The following PDE12 variants were observed in gnomAD, a reference collection of about 807,000 sequenced individuals.
The protein encoded by PDE12 is phosphodiesterase 12, also known as 2',5'-phosphodiesterase 12.
PDE12 carries 26 observed loss-of-function variants against 45.4 expected under a neutral mutation model. That is an observed-to-expected ratio of 0.57 (90% CI 0.42 to 0.79). PDE12 has a LOEUF of 0.79. Among genes scored for constraint, PDE12 ranks in the 30% least tolerant of loss-of-function variants. The pLI is 0.00. For missense variants in PDE12, 668 were observed against 790.0 expected (o/e 0.85, Z 1.85); for synonymous variants, 283 against 323.9 (o/e 0.87, Z 1.36).
chr3:57,596,875 C>A, the PDE12 span: 1 of 588,524 alleles, frequency 1.7e-6, no homozygotes, highest in Middle Eastern at 4.1e-4. Context: ...GTCCCTGTCT[C>A]GTCTGGCGAC....
At chr3:57,621,054 C>T in the PDE12 span, among the ~76,000 whole-genome samples, 6 of 152,116 alleles carry the variant, frequency 3.9e-5, no homozygotes, top group African/African-American at 9.7e-5. Context: ...AGGGCTAACA[C>T]CACTCAGTTT....
At chr3:57,584,875 G>A in the PDE12 span, among the ~76,000 whole-genome samples, 1 of 151,568 alleles carries the variant, frequency 6.6e-6, no homozygotes, top group Non-Finnish European at 1.5e-5. Flanking sequence ...AGGGGCAGGG[G>A]AGCGGGGGGA....
the PDE12 span, among the ~76,000 whole-genome samples, chr3:57,591,275 A>G: frequency 6.6e-6 from 1 of 152,188 alleles, no homozygotes; most frequent in Non-Finnish European, 1.5e-5. Context: ...TTGAAGAGCT[A>G]GAAAGTGAAA....
the PDE12 span, among the ~76,000 whole-genome samples, chr3:57,580,071 C>G: frequency 6.6e-6 from 1 of 152,118 alleles, no homozygotes; most frequent in African/African-American, 2.4e-5. Context: ...TGCCACTGCA[C>G]TCTAGCCTGG....
At chr3:57,570,644 G>A (rs2153408115), downstream of PDE12, among the ~76,000 whole-genome samples, 1 of 152,140 alleles carries the variant, frequency 6.6e-6, no homozygotes, top group East Asian at 1.9e-4. Flanking sequence ...TGAGAATATA[G>A]ACAGAAACTA....
At chr3:57,620,087 T>C in the PDE12 span, among the ~76,000 whole-genome samples, 6 of 151,780 alleles carry the variant, frequency 4.0e-5, no homozygotes. Context: ...CTGGGCGCAG[T>C]GGCGGGCGCC....
At chr3:57,630,056 T>A in the PDE12 span, among the ~76,000 whole-genome samples, 1 of 152,168 alleles carries the variant, frequency 6.6e-6, no homozygotes, top group Non-Finnish European at 1.5e-5. Context: ...GGTTACTGAA[T>A]ACAGAGCTGA....
In PDE12 at chr3:57,556,693, G is replaced by A; in HGVS notation, c.314G>A (p.Gly105Asp). 1 of 1,595,674 alleles carries A rather than the reference G, an allele frequency of 6.3e-7. No homozygotes were observed. Among genetic ancestry groups the A allele is most frequent in the Non-Finnish European group, 8.6e-7 (1 of 1,168,016 alleles). The change falls in exon 1 of 3, where the codon GGT (glycine) becomes GAT (aspartate). Residue 105 changes from glycine to aspartate, a missense_variant. Gly to Asp is a moderately conservative substitution (Grantham distance 94, BLOSUM62 -1). This residue lies in a region of PDE12 where 580 missense variants were observed against 662.9 expected (regional missense o/e 0.87). Coordinates refer to ENST00000311180, the MANE Select transcript of PDE12 (RefSeq NM_177966.7). The surrounding 1 kb of genome is among the most constrained non-coding windows in gnomAD (Gnocchi z 5.0). ...AAGAGCCGGCCGAATGCTAGCGGCGGTGCGGCCTGTTCAGGGCCGGGGCCT... is the reference window on the plus strand; with the variant it reads ...AAGAGCCGGCCGAATGCTAGCGGCGATGCGGCCTGTTCAGGGCCGGGGCCT... Reference protein sequence around the residue: ...SRKSRPNASGGAACSGPGPEP... With the variant: ...SRKSRPNASGDAACSGPGPEP...
chr3:57,654,811 T>C, the PDE12 span: 3 of 975,886 alleles, frequency 3.1e-6, no homozygotes, highest in Non-Finnish European at 3.7e-6. Flanking sequence ...TACTTTGCTT[T>C]CAAGCTCAGT....
At chr3:57,641,051 T>C in the PDE12 span, among the ~76,000 whole-genome samples, 3 of 151,266 alleles carry the variant, frequency 2.0e-5, no homozygotes, top group Admixed American at 2.0e-4. Context: ...TTGTGATAAG[T>C]TGGGAATAAT....
chr3:57,583,650 C>T, the PDE12 span, among the ~76,000 whole-genome samples: 2 of 152,074 alleles, frequency 1.3e-5, no homozygotes, highest in South Asian at 4.1e-4. Context: ...CTAATTCATT[C>T]TTGTGAACTA....
the PDE12 span, among the ~76,000 whole-genome samples, chr3:57,624,652 T>C: frequency 2.0e-5 from 3 of 151,372 alleles, no homozygotes; most frequent in African/African-American, 7.3e-5. Context: ...TAATCCCAGC[T>C]ACTTGAGAGG....
the PDE12 span, among the ~76,000 whole-genome samples, chr3:57,631,716 C>CTTTTTT: frequency 3.2e-4 from 29 of 92,008 alleles, no homozygotes; most frequent in Admixed American, 4.3e-4. Context: ...TCTCTGCTCT[C>CTTTTTT]TTTTTTTTTT....
chr3:57,620,325 AG>A, the PDE12 span, among the ~76,000 whole-genome samples: 1 of 152,090 alleles, frequency 6.6e-6, no homozygotes, highest in Non-Finnish European at 1.5e-5. Flanking sequence ...CTGAGGCAGG[AG>A]GATCATTTGA....
At chr3:57,575,342 T>A in the PDE12 span, among the ~76,000 whole-genome samples, 3 of 151,710 alleles carry the variant, frequency 2.0e-5, no homozygotes, top group Non-Finnish European at 2.9e-5. Context: ...CTATCAATAA[T>A]CTTTAGACCT....
chr3:57,569,475 C>T (rs2069815025), downstream of PDE12, among the ~76,000 whole-genome samples: 1 of 152,086 alleles, frequency 6.6e-6, no homozygotes, highest in African/African-American at 2.4e-5. Context: ...ACTTCAGCCT[C>T]TCGAGTAGCT....
chr3:57,605,548 C>T, the PDE12 span, among the ~76,000 whole-genome samples: 6 of 152,050 alleles, frequency 3.9e-5, no homozygotes, highest in South Asian at 1.2e-3. Context: ...CTGGACCTAC[C>T]TAAAAAATTA....
chr3:57,583,488 A>G, the PDE12 span, among the ~76,000 whole-genome samples: 1 of 152,220 alleles, frequency 6.6e-6, no homozygotes, highest in Non-Finnish European at 1.5e-5. Flanking sequence ...AATGCAGCGA[A>G]CTGACTTTAC....
the PDE12 span, among the ~76,000 whole-genome samples, chr3:57,589,688 A>T: frequency 6.6e-6 from 1 of 151,652 alleles, no homozygotes; most frequent in East Asian, 2.0e-4. Context: ...ACGGCACTCC[A>T]GCCTGGGCAA....
Sources: allele counts gnomAD v4.1 joint callset (sites outside exome capture counted in the v4.1 genomes callset), GRCh38; gene constraint gnomAD v4.1.1; regional missense constraint gnomAD v4.1.1; non-coding constraint Gnocchi (gnomAD v3.1); transcripts MANE v1.5; gene names NCBI Gene and HGNC (gene_info 2026-07-23, HGNC 2026-07-21).